Variants in IGSF3 observed in about 807,000 individuals in gnomAD.
IGSF3 encodes immunoglobulin superfamily member 3, also known as glu-Trp-Ile EWI motif-containing protein 3.
IGSF3 carries 23 observed loss-of-function variants against 114.4 expected under a neutral mutation model. That is an observed-to-expected ratio of 0.20 (90% CI 0.14 to 0.28). IGSF3 has a LOEUF of 0.28. Ranked by LOEUF, IGSF3 falls within the 10% of genes least tolerant of loss-of-function variation. The probability of loss-of-function intolerance (pLI) is 1.00; values close to 1 mark genes in which losing one functional copy is unlikely to be tolerated. For synonymous variants in IGSF3, 571 were observed against 645.2 expected, an observed-to-expected ratio of 0.88 and a Z score of 1.74; for missense variants, 1,172 against 1,591.5, an observed-to-expected ratio of 0.74 and a Z score of 4.48.
chr1:116,613,122 T>TA (rs1367417477), intron 4 of IGSF3, among the ~76,000 whole-genome samples: 2 of 152,168 alleles, frequency 1.3e-5, no homozygotes, highest in Non-Finnish European at 2.9e-5. Context: ...AGCCCCAACA[T>TA]AAAGTAATCT....
In IGSF3 at chr1:116,614,438, A is replaced by G. The variant is rs928466602; in HGVS notation, c.422-263T>C. On this transcript the variant is annotated intron_variant, in intron 3 of 10. Coordinates refer to ENST00000369486, the MANE Select transcript of IGSF3 (RefSeq NM_001007237.3). The surrounding 1 kb of genome is among the most constrained non-coding windows in gnomAD (Gnocchi z 4.5). ...TTGGATAAAACATGGGGTGTATTTC[A>G]TATTACATAATAAATAAACTCCCTG... Among the ~76,000 whole-genome samples the G allele has an allele frequency of 1.3e-5, 2 of 152,232 alleles. No individual in the cohort carries two copies. Among genetic ancestry groups the G allele is most frequent in the African/African-American group, 4.8e-5 (2 of 41,456 alleles).
rs757307556 is a variant in IGSF3, at chr1:116,629,122, A to G, written c.44-12665T>C. The stretch of plus-strand genomic sequence containing the variant: ...GCAGGAAAAGGTCCCCAAACAAAGA[A>G]TCCATCAGTCAATTACAGCACTCTC... On this transcript the variant is annotated intron_variant, in intron 2 of 10. Transcript: ENST00000369486. This position sits in a 1 kb window ranked among gnomAD's most constrained non-coding sequence, Gnocchi z 4.3. 2.0e-4 allele frequency among the ~76,000 whole-genome samples: 31 copies of G among 152,218 alleles called. No individual in the cohort carries two copies. The highest frequency in any genetic ancestry group is 3.8e-4 in the Non-Finnish European group (26 of 68,048).
At chr1:116,631,799 T>G (rs1647604138) in intron 2 of IGSF3, among the ~76,000 whole-genome samples, 1 of 152,082 alleles carries the variant, frequency 6.6e-6, no homozygotes, top group African/African-American at 2.4e-5. Flanking sequence ...GGAGCAAAGG[T>G]CAACAGTCAC....
chr1:116,637,624 G>A (rs1338408764), intron 2 of IGSF3, among the ~76,000 whole-genome samples: 2 of 152,258 alleles, frequency 1.3e-5, no homozygotes, highest in East Asian at 3.9e-4. Flanking sequence ...ACATCACATG[G>A]CAGACACCTG....
At position 116,583,678 on chromosome 1, in the gene IGSF3, A is replaced by T. The variant is rs1161040845; in HGVS notation, c.2848+967T>A. ...GGGGTCACGAATTCACTTCTCCTCCAGGTCCTTACAGGAACCATCGACTTT... is the reference window on the plus strand; with the variant it reads ...GGGGTCACGAATTCACTTCTCCTCCTGGTCCTTACAGGAACCATCGACTTT... On this transcript the variant is annotated intron_variant, in intron 9 of 10. Transcript: ENST00000369486. This position sits in a 1 kb window ranked among gnomAD's most constrained non-coding sequence, Gnocchi z 4.5. Among the ~76,000 whole-genome samples, 1 of 152,244 alleles carries T rather than the reference A, an allele frequency of 6.6e-6. No individual in the cohort carries two copies. The highest frequency in any genetic ancestry group is 2.4e-5 in the African/African-American group (1 of 41,462).
intron 9 of IGSF3, among the ~76,000 whole-genome samples, chr1:116,581,764 C>T (rs754663775): frequency 4.6e-5 from 7 of 152,104 alleles, no homozygotes; most frequent in Non-Finnish European, 1.0e-4. Flanking sequence ...AGAATATGGC[C>T]GGGTGGGGAC....
rs1347059097 is a variant in IGSF3, at chr1:116,618,488, T to C, written c.44-2031A>G. 6.6e-6 allele frequency among the ~76,000 whole-genome samples: 1 copy of C among 152,246 alleles called. No individual in the cohort carries two copies. Among genetic ancestry groups the C allele is most frequent in the African/African-American group, 2.4e-5 (1 of 41,466 alleles). On this transcript the variant is annotated intron_variant, in intron 2 of 10. Coordinates refer to ENST00000369486, the MANE Select transcript of IGSF3 (RefSeq NM_001007237.3). The surrounding 1 kb of genome is among the most constrained non-coding windows in gnomAD (Gnocchi z 4.7). The stretch of plus-strand genomic sequence containing the variant: ...GGAGCATATATAGAGATCTAATATA[T>C]GGCACTTAATGTTGGCATGGCAGAT...
rs896795865 is a variant in IGSF3 at position 116,650,629 on chromosome 1, AG to A, written c.43+15654del. Reference sequence around the variant, plus strand: ...AGGAAGAGAAAAGAAGAGCCACTGTAGGTAACCAATCACGTCTACCACAGGC... The same window carrying A: ...AGGAAGAGAAAAGAAGAGCCACTGTAGTAACCAATCACGTCTACCACAGGC... On this transcript the variant is annotated intron_variant, in intron 2 of 10. Transcript: ENST00000369486. The surrounding 1 kb of genome is among the most constrained non-coding windows in gnomAD (Gnocchi z 5.0). 1.3e-5 allele frequency among the ~76,000 whole-genome samples: 2 copies of A among 152,320 alleles called. No individual in the cohort carries two copies. The highest frequency in any genetic ancestry group is 4.8e-5 in the African/African-American group (2 of 41,562).
intron 7 of IGSF3, among the ~76,000 whole-genome samples, chr1:116,590,065 G>A (rs1318710281): frequency 1.3e-5 from 2 of 152,030 alleles, no homozygotes; most frequent in Admixed American, 1.3e-4. Flanking sequence ...GCTGCGGGCG[G>A]GGGGAGAGGG....
In IGSF3 at chr1:116,610,086, T is replaced by C. The variant is rs1281480432; in HGVS notation, c.833-1755A>G. Among the ~76,000 whole-genome samples the C allele has an allele frequency of 6.6e-6, 1 of 152,190 alleles. No individual in the cohort carries two copies. The highest frequency in any genetic ancestry group is 1.5e-5 in the Non-Finnish European group (1 of 68,036). ...CCCAAGAGACCAGTCTTAAGAGGCA[T>C]GGATTGAAGGAAGCACATTTCACTC... On this transcript the variant is annotated intron_variant, in intron 4 of 10. Transcript: ENST00000369486. This position sits in a 1 kb window ranked among gnomAD's most constrained non-coding sequence, Gnocchi z 4.3.
rs1355018951 is a variant in IGSF3 at position 116,579,060 on chromosome 1, A to G, written c.3334+332T>C. Reference sequence around the variant, plus strand: ...AACGCTTGCTAATTCGCTAAAGACTAGTTCCAATATTCTAAAAAATAACAA... The same window carrying G: ...AACGCTTGCTAATTCGCTAAAGACTGGTTCCAATATTCTAAAAAATAACAA... On this transcript the variant is annotated intron_variant, in intron 10 of 10. Transcript: ENST00000369486. The surrounding 1 kb of genome is among the most constrained non-coding windows in gnomAD (Gnocchi z 6.4). Among the ~76,000 whole-genome samples, 1 of 152,252 alleles carries G rather than the reference A, an allele frequency of 6.6e-6. No homozygotes were observed. The highest frequency in any genetic ancestry group is 1.5e-5 in the Non-Finnish European group (1 of 68,056).
In IGSF3 at chr1:116,655,479, G is replaced by A. The variant is rs562719881; in HGVS notation, c.43+10805C>T. On this transcript the variant is annotated intron_variant, in intron 2 of 10. Coordinates refer to ENST00000369486, the MANE Select transcript of IGSF3 (RefSeq NM_001007237.3). This position sits in a 1 kb window ranked among gnomAD's most constrained non-coding sequence, Gnocchi z 4.3. ...TTTAAAGAAAGTCATTCCCGTGAAC[G>A]TTGAGAAGTAACCCAACGCTGTGAA... Among the ~76,000 whole-genome samples the A allele has an allele frequency of 1.3e-5, 2 of 152,312 alleles. No individual in the cohort carries two copies. Among genetic ancestry groups the A allele is most frequent in the Admixed American group, 6.5e-5 (1 of 15,306 alleles).
intron 7 of IGSF3, among the ~76,000 whole-genome samples, chr1:116,591,454 T>C (rs976358829): frequency 6.6e-6 from 1 of 152,240 alleles, no homozygotes; most frequent in African/African-American, 2.4e-5. Flanking sequence ...CTATAGTAAC[T>C]GCATATGTTA....
Position 116,584,723 on chromosome 1 carries a change from G to A in IGSF3, c.2770C>T (p.Leu924=). 1.2e-6 allele frequency: 2 copies of A among 1,613,486 alleles called. No individual in the cohort carries two copies. Among genetic ancestry groups the A allele is most frequent in the Non-Finnish European group, 1.7e-6 (2 of 1,179,382 alleles). Residue 924 remains leucine, a synonymous_variant, in exon 9 of 11, where the codon CTG becomes TTG. Transcript: ENST00000369486. The surrounding 1 kb of genome is among the most constrained non-coding windows in gnomAD (Gnocchi z 5.8). ...GTYSCHVEEW[L]PSPSGMWYKR... ...TACCACATGCCACTGGGGCTGGGCAGCCACTCCTCCACATGGCAGCTGTAG... is the reference window on the plus strand; with the variant it reads ...TACCACATGCCACTGGGGCTGGGCAACCACTCCTCCACATGGCAGCTGTAG...
chr1:116,609,147 A>C (rs1285281204), intron 4 of IGSF3, among the ~76,000 whole-genome samples: 6 of 151,970 alleles, frequency 3.9e-5, no homozygotes, highest in Admixed American at 2.6e-4. Context: ...TAGGTACTTT[A>C]GTAGGAAAAG....
intron 2 of IGSF3, among the ~76,000 whole-genome samples, chr1:116,643,830 C>T (rs1648219665): frequency 2.0e-5 from 3 of 152,204 alleles, no homozygotes; most frequent in Non-Finnish European, 4.4e-5. Flanking sequence ...GGTCAGGTGA[C>T]TGATGAAAGG....
Position 116,598,432 on chromosome 1 carries a change from G to T in IGSF3, c.2029+1509C>A, listed in dbSNP as rs1300948395. 1.3e-5 allele frequency among the ~76,000 whole-genome samples: 2 copies of T among 152,198 alleles called. No individual in the cohort carries two copies. The highest frequency in any genetic ancestry group is 1.3e-4 in the Admixed American group (2 of 15,284). On this transcript the variant is annotated intron_variant, in intron 7 of 10. Transcript: ENST00000369486. This position sits in a 1 kb window ranked among gnomAD's most constrained non-coding sequence, Gnocchi z 4.3. Reference sequence around the variant, plus strand: ...AGCCTCTTCCCTGAGCCTCTTGTCAGTCGAAGTTTAGGCTGTCATTGGCCA... The same window carrying T: ...AGCCTCTTCCCTGAGCCTCTTGTCATTCGAAGTTTAGGCTGTCATTGGCCA...
intron 9 of IGSF3, among the ~76,000 whole-genome samples, chr1:116,580,614 G>C (rs933901325): frequency 6.6e-6 from 1 of 152,250 alleles, no homozygotes; most frequent in Middle Eastern, 3.2e-3. Context: ...CGCCGTCTGC[G>C]GGCCAGAAGA....
intron 2 of IGSF3, among the ~76,000 whole-genome samples, chr1:116,620,240 G>A (rs1661371560): frequency 6.6e-6 from 1 of 152,164 alleles, no homozygotes; most frequent in Non-Finnish European, 1.5e-5. Flanking sequence ...TGAGCACGGA[G>A]GCAGTTTCAA....
Sources: gnomAD v4.1 joint callset for allele counts (sites outside exome capture counted in the v4.1 genomes callset) on GRCh38, gnomAD v4.1.1 for gene constraint, Gnocchi (gnomAD v3.1) non-coding constraint, MANE v1.5 for transcripts, NCBI Gene and HGNC (gene_info 2026-07-23, HGNC 2026-07-21) for gene names.